The following CSMD3 variants were observed in gnomAD, a reference collection of about 807,000 sequenced individuals.
The protein encoded by CSMD3 is CUB and Sushi multiple domains 3.
CSMD3 carries 177 observed loss-of-function variants against 435.2 expected under a neutral mutation model. The ratio of observed to expected loss-of-function variants is 0.41; its 90% CI spans 0.36 to 0.46. The LOEUF (loss-of-function observed/expected upper bound fraction) is 0.46. Among genes scored for constraint, CSMD3 ranks in the 20% least tolerant of loss-of-function variants. The pLI is 0.34. For synonymous variants in CSMD3, 1,656 were observed against 1,520.5 expected (o/e 1.09, Z -2.07); for missense variants, 4,265 against 4,504.6 (o/e 0.95, Z 1.52).
At chr8:112,243,756 G>A (rs190172401) in intron 65 of CSMD3, among the ~76,000 whole-genome samples, 341 of 152,132 alleles carry the variant, frequency 2.2e-3, no homozygotes, top group Non-Finnish European at 3.8e-3. Flanking sequence ...GACCTTATTT[G>A]GAAAGAAGGT....
chr8:113,086,641 T>C (rs2089791913), intron 5 of CSMD3, among the ~76,000 whole-genome samples: 1 of 152,214 alleles, frequency 6.6e-6, no homozygotes, highest in South Asian at 2.1e-4. Flanking sequence ...ATCTACTGAG[T>C]ATAACAGTGC....
intron 1 of CSMD3, among the ~76,000 whole-genome samples, chr8:113,427,944 C>A (rs905487904): frequency 6.6e-6 from 1 of 151,606 alleles, no homozygotes; most frequent in Non-Finnish European, 1.5e-5. Flanking sequence ...AAATTTTACT[C>A]AAGAGCCTCC....
At chr8:112,745,648 A>G (rs941417129) in intron 13 of CSMD3, among the ~76,000 whole-genome samples, 1 of 151,928 alleles carries the variant, frequency 6.6e-6, no homozygotes, top group Non-Finnish European at 1.5e-5. Flanking sequence ...GCAAAAATTT[A>G]CTAATGTCAA....
intron 3 of CSMD3, among the ~76,000 whole-genome samples, chr8:113,244,860 G>T (rs552785798): frequency 3.2e-4 from 49 of 151,518 alleles, no homozygotes; most frequent in Admixed American, 3.2e-3. Flanking sequence ...TTCATATTTT[G>T]CCTTGTTGTT....
At chr8:112,681,908 A>T (rs1013611415) in intron 16 of CSMD3, among the ~76,000 whole-genome samples, 3 of 152,114 alleles carry the variant, frequency 2.0e-5, no homozygotes, top group Non-Finnish European at 4.4e-5. Flanking sequence ...TATATCACAC[A>T]CACACATATA....
rs535584877 is a variant in CSMD3, at chr8:113,141,250, G to A, written c.709+32472C>T. ...CTTTTGCTGAGGAATTCTACCAAAC[G>A]CAGAAAAACAACACCAATTATACAT... On this transcript the variant is annotated intron_variant, in intron 4 of 70. Coordinates refer to ENST00000297405, the MANE Select transcript of CSMD3 (RefSeq NM_198123.2). Among the ~76,000 whole-genome samples, 30 of 150,370 alleles carry A rather than the reference G, an allele frequency of 2.0e-4. No homozygotes were observed. In the South Asian group the frequency reaches 5.4e-3, roughly 27 times the overall value.
intron 22 of CSMD3, among the ~76,000 whole-genome samples, chr8:112,619,577 A>AT (rs1833910510): frequency 6.6e-6 from 1 of 151,838 alleles, no homozygotes. Context: ...CTTGTACCAT[A>AT]TTGTCCCACA....
intron 32 of CSMD3, among the ~76,000 whole-genome samples, chr8:112,416,484 T>C (rs1426109714): frequency 6.6e-6 from 1 of 152,204 alleles, no homozygotes; most frequent in Non-Finnish European, 1.5e-5. Flanking sequence ...TATTCTTCTA[T>C]TGTTTAACAA....
intron 59 of CSMD3, among the ~76,000 whole-genome samples, chr8:112,280,284 CT>C (rs1251355397): frequency 6.6e-6 from 1 of 152,012 alleles, no homozygotes; most frequent in South Asian, 2.1e-4. Flanking sequence ...AAACAATTTT[CT>C]TTTGAGACAG....
chr8:112,627,886 A>C (rs547958823), intron 22 of CSMD3, among the ~76,000 whole-genome samples: 1 of 152,308 alleles, frequency 6.6e-6, no homozygotes, highest in African/African-American at 2.4e-5. Flanking sequence ...AGAAAGTATA[A>C]AGAAAACTAA....
At chr8:112,651,541 A>AT (rs1254096334) in intron 18 of CSMD3, among the ~76,000 whole-genome samples, 8,163 of 137,238 alleles carry the variant, frequency 0.059, 495 homozygotes, top group African/African-American at 0.16. Context: ...CACCCAGTGC[A>AT]TTTTTTTTTT....
chr8:112,512,727 C>T (rs1823262698), intron 28 of CSMD3, among the ~76,000 whole-genome samples: 2 of 152,164 alleles, frequency 1.3e-5, no homozygotes, highest in South Asian at 4.1e-4. Context: ...AGCTTTGAAG[C>T]CAGACATTGA....
intron 1 of CSMD3, among the ~76,000 whole-genome samples, chr8:113,403,668 C>G (rs925396038): frequency 6.6e-6 from 1 of 151,334 alleles, no homozygotes; most frequent in Non-Finnish European, 1.5e-5. Flanking sequence ...TATCCAGTAA[C>G]AGCTGTTTTA....
At chr8:112,616,341 TAAAG>T (rs904789606) in intron 22 of CSMD3, among the ~76,000 whole-genome samples, 2 of 152,132 alleles carry the variant, frequency 1.3e-5, no homozygotes, top group Admixed American at 1.3e-4. Flanking sequence ...ATTTTAAAGA[TAAAG>T]AAATATATAT....
chr8:113,176,945 C>A (rs1454076214), intron 3 of CSMD3, among the ~76,000 whole-genome samples: 1 of 151,312 alleles, frequency 6.6e-6, no homozygotes, highest in East Asian at 1.9e-4. Flanking sequence ...ATGAATTACT[C>A]AACCATGTTC....
At chr8:112,499,382 A>C (rs182413364) in intron 30 of CSMD3, among the ~76,000 whole-genome samples, 3 of 152,232 alleles carry the variant, frequency 2.0e-5, no homozygotes, top group Admixed American at 2.0e-4. Flanking sequence ...CAACTATTTC[A>C]ATAATTGCTA....
chr8:112,314,877 T>C (rs545298353), intron 47 of CSMD3, among the ~76,000 whole-genome samples: 1 of 152,028 alleles, frequency 6.6e-6, no homozygotes, highest in East Asian at 1.9e-4. Flanking sequence ...ATAAATAAAA[T>C]ATAAGCCATT....
chr8:112,625,823 C>T (rs1834432932), intron 22 of CSMD3, among the ~76,000 whole-genome samples: 3 of 152,082 alleles, frequency 2.0e-5, no homozygotes, highest in Admixed American at 2.0e-4. Context: ...ATTCTGCAAA[C>T]AACTTCCTAA....
intron 1 of CSMD3, among the ~76,000 whole-genome samples, chr8:113,404,907 T>C (rs559020980): frequency 6.6e-6 from 1 of 151,590 alleles, no homozygotes; most frequent in East Asian, 1.9e-4. Context: ...ATATAAATTA[T>C]GTATGTGTTA....
Sources: gnomAD v4.1 joint callset for allele counts (sites outside exome capture counted in the v4.1 genomes callset) on GRCh38, gnomAD v4.1.1 for gene constraint, MANE v1.5 for transcripts, NCBI Gene and HGNC (gene_info 2026-07-23, HGNC 2026-07-21) for gene names.